ERC2: variants seen among roughly 807,000 people sequenced by gnomAD.
The protein encoded by ERC2 is ELKS/RAB6-interacting/CAST family member 2, also known as ERC protein 2.
ERC2 carries 42 observed loss-of-function variants against 114.8 expected under a neutral mutation model. The observed-to-expected ratio is 0.37, with a 90% CI of 0.29 to 0.47. The LOEUF (loss-of-function observed/expected upper bound fraction) is 0.47, where lower values mean the gene tolerates loss of function less well. Among genes scored for constraint, ERC2 ranks in the 20% least tolerant of loss-of-function variants. ERC2 has a pLI of 0.99. For missense variants in ERC2, 939 were observed against 1,150.7 expected (o/e 0.82, Z 2.66); for synonymous variants, 454 against 425.5 (o/e 1.07, Z -0.82).
At chr3:56,283,365 T>G (rs2054475306) in intron 3 of ERC2, among the ~76,000 whole-genome samples, 1 of 152,128 alleles carries the variant, frequency 6.6e-6, no homozygotes, top group African/African-American at 2.4e-5. Flanking sequence ...GCATGATGGC[T>G]CATACCTGTA....
At chr3:55,591,779 T>C (rs2057903184) in intron 17 of ERC2, among the ~76,000 whole-genome samples, 1 of 152,174 alleles carries the variant, frequency 6.6e-6, no homozygotes, top group African/African-American at 2.4e-5. Flanking sequence ...ATTATTCTTG[T>C]CCTTCTTCTA....
At chr3:55,749,778 G>A (rs919632030) in intron 14 of ERC2, among the ~76,000 whole-genome samples, 3 of 152,152 alleles carry the variant, frequency 2.0e-5, no homozygotes, top group Admixed American at 6.5e-5. Flanking sequence ...CCACGCTGTG[G>A]AAGCTTTGTC....
intron 1 of ERC2, among the ~76,000 whole-genome samples, chr3:56,449,872 G>T (rs749084654): frequency 5.9e-5 from 9 of 152,202 alleles, no homozygotes; most frequent in Non-Finnish European, 1.3e-4. Context: ...CCTCAAAGTT[G>T]CCATAGAATT....
intron 12 of ERC2, among the ~76,000 whole-genome samples, chr3:55,954,550 G>T (rs1168696375): frequency 6.6e-6 from 1 of 152,082 alleles, no homozygotes; most frequent in African/African-American, 2.4e-5. Flanking sequence ...TTGTCCAAGG[G>T]CATATGCATA....
chr3:56,432,519 G>A (rs545585706), intron 2 of ERC2, among the ~76,000 whole-genome samples: 19 of 152,210 alleles, frequency 1.2e-4, no homozygotes, highest in South Asian at 2.1e-4. Flanking sequence ...CAAACCTTTC[G>A]GTTCCAACTA....
intron 17 of ERC2, among the ~76,000 whole-genome samples, chr3:55,665,442 T>G (rs547512218): frequency 1.3e-5 from 2 of 152,358 alleles, no homozygotes; most frequent in East Asian, 3.9e-4. Context: ...AGATCTCATT[T>G]GTTAAGATGA....
intron 3 of ERC2, among the ~76,000 whole-genome samples, chr3:56,201,404 G>A (rs956229428): frequency 6.6e-6 from 1 of 152,208 alleles, no homozygotes; most frequent in Non-Finnish European, 1.5e-5. Flanking sequence ...CTTCTCAGAA[G>A]AACTGTATGG....
intron 2 of ERC2, among the ~76,000 whole-genome samples, chr3:56,345,639 A>C (rs2058277078): frequency 6.6e-6 from 1 of 152,238 alleles, no homozygotes; most frequent in Non-Finnish European, 1.5e-5. Flanking sequence ...CAATGATACC[A>C]GTAAAGAAAA....
At chr3:55,695,330 A>G (rs1360774395) in intron 16 of ERC2, among the ~76,000 whole-genome samples, 5 of 152,164 alleles carry the variant, frequency 3.3e-5, no homozygotes, top group African/African-American at 1.2e-4. Context: ...GGATTTCCCA[A>G]GTCATTACTG....
At chr3:56,401,806 G>GCAC (rs1290530380) in intron 2 of ERC2, among the ~76,000 whole-genome samples, 2 of 152,304 alleles carry the variant, frequency 1.3e-5, no homozygotes, top group African/African-American at 4.8e-5. Context: ...AGCAGCAGCA[G>GCAC]AAGCAGGGCC....
At chr3:56,033,665 G>T (rs1030034043) in intron 7 of ERC2, among the ~76,000 whole-genome samples, 1 of 152,092 alleles carries the variant, frequency 6.6e-6, no homozygotes, top group African/African-American at 2.4e-5. Context: ...TTGGTTGGCA[G>T]GTTTTTTTCT....
At chr3:55,723,724 A>G (rs905086010) in intron 15 of ERC2, among the ~76,000 whole-genome samples, 1 of 152,228 alleles carries the variant, frequency 6.6e-6, no homozygotes, top group Non-Finnish European at 1.5e-5. Flanking sequence ...TATTTGAAAA[A>G]GCTGAAAAAG....
At chr3:55,591,574 CGTGTGT>C (rs3059305) in intron 17 of ERC2, among the ~76,000 whole-genome samples, 34 of 148,146 alleles carry the variant, frequency 2.3e-4, no homozygotes, top group South Asian at 4.4e-4. Context: ...AGTTTGTGTG[CGTGTGT>C]GTGTGTGTGT....
At chr3:56,267,840 A>T (rs2053420856) in intron 3 of ERC2, among the ~76,000 whole-genome samples, 1 of 152,174 alleles carries the variant, frequency 6.6e-6, no homozygotes, top group East Asian at 1.9e-4. Flanking sequence ...GTAATTACAT[A>T]GGATGAATAA....
In ERC2 at chr3:56,212,395, C is replaced by T. The variant is rs1188679507; in HGVS notation, c.1075-38875G>A. Among the ~76,000 whole-genome samples, 4 of 152,084 alleles carry T rather than the reference C, an allele frequency of 2.6e-5. No homozygotes were observed. The East Asian group carries it at 5.8e-4, about 22-fold the overall frequency. On this transcript the variant is annotated intron_variant, in intron 3 of 17. Transcript: ENST00000288221. Reference sequence around the variant, plus strand: ...TAATCAGGGAAATGCAAATCAAAACCGCAATGTGATACCACCTTACTCTTT... The same window carrying T: ...TAATCAGGGAAATGCAAATCAAAACTGCAATGTGATACCACCTTACTCTTT...
intron 7 of ERC2, among the ~76,000 whole-genome samples, chr3:56,021,864 C>T (rs1386440306): frequency 1.3e-5 from 2 of 152,174 alleles, no homozygotes; most frequent in Non-Finnish European, 2.9e-5. Flanking sequence ...AGGATAATAG[C>T]CTCCAGCTCC....
intron 3 of ERC2, among the ~76,000 whole-genome samples, chr3:56,177,337 G>C (rs1378073440): frequency 1.3e-5 from 2 of 152,200 alleles, no homozygotes; most frequent in Admixed American, 6.5e-5. Flanking sequence ...CTAACCATCT[G>C]AGCGATGCAC....
At chr3:55,804,093 T>C (rs1441491455) in intron 14 of ERC2, among the ~76,000 whole-genome samples, 1 of 152,228 alleles carries the variant, frequency 6.6e-6, no homozygotes, top group Non-Finnish European at 1.5e-5. Context: ...ATGTGTAGTA[T>C]ATTTTCAAAT....
chr3:55,828,735 T>C (rs922101934), intron 14 of ERC2, among the ~76,000 whole-genome samples: 69 of 151,534 alleles, frequency 4.6e-4, no homozygotes, highest in African/African-American at 1.6e-3. Context: ...CCACCAAAGG[T>C]AAGACAGACT....
Sources: allele counts gnomAD v4.1 joint callset (sites outside exome capture counted in the v4.1 genomes callset), GRCh38; gene constraint gnomAD v4.1.1; transcripts MANE v1.5; gene names NCBI Gene and HGNC (gene_info 2026-07-23, HGNC 2026-07-21).